The following CLSTN2 variants were observed in gnomAD, a reference collection of about 807,000 sequenced individuals.
CLSTN2 encodes the protein calsyntenin 2, also known as calsyntenin-2.
A neutral mutation model predicts 101.2 loss-of-function variants in CLSTN2; 48 were observed. That is an observed-to-expected ratio of 0.47 (90% CI 0.38 to 0.60). CLSTN2 has a LOEUF of 0.60. Ranked by LOEUF, CLSTN2 falls within the 20% of genes least tolerant of loss-of-function variation. CLSTN2 has a pLI of 0.00. For synonymous variants in CLSTN2, 481 were observed against 463.6 expected (o/e 1.04, Z -0.48); for missense variants, 1,160 against 1,238.2 (o/e 0.94, Z 0.95).
chr3:140,020,701 C>T (rs1346281461), intron 1 of CLSTN2, among the ~76,000 whole-genome samples: 1 of 152,202 alleles, frequency 6.6e-6, no homozygotes, highest in African/African-American at 2.4e-5. Flanking sequence ...GGCTGACCAG[C>T]CTCCAAGGCA....
chr3:139,999,478 G>A (rs1164549233), intron 1 of CLSTN2, among the ~76,000 whole-genome samples: 3 of 152,120 alleles, frequency 2.0e-5, no homozygotes, highest in African/African-American at 2.4e-5. Flanking sequence ...ATACCTCAAC[G>A]CTCTTCCTTT....
chr3:139,949,711 A>G (rs1935262962), intron 1 of CLSTN2, among the ~76,000 whole-genome samples: 1 of 152,202 alleles, frequency 6.6e-6, no homozygotes, highest in South Asian at 2.1e-4. Context: ...ATAGCATTGG[A>G]TACCAAACAC....
chr3:140,431,906 C>A (rs1559868026), intron 5 of CLSTN2, among the ~76,000 whole-genome samples: 2 of 152,220 alleles, frequency 1.3e-5, no homozygotes, highest in East Asian at 1.9e-4. Flanking sequence ...ATTGTTAAGA[C>A]CAAAAGAGAT....
chr3:140,095,078 A>C (rs2008846520), intron 1 of CLSTN2, among the ~76,000 whole-genome samples: 1 of 151,980 alleles, frequency 6.6e-6, no homozygotes, highest in African/African-American at 2.4e-5. Flanking sequence ...AGTATTCTTA[A>C]CCCTTCAAGA....
rs372909489 is a variant in CLSTN2, at chr3:140,461,709, G to A, written c.1222+1940G>A. Among the ~76,000 whole-genome samples the A allele has an allele frequency of 2.4e-4, 36 of 152,142 alleles. No homozygotes were observed. The East Asian group carries it at 5.6e-3, about 24-fold the overall frequency. On this transcript the variant is annotated intron_variant, in intron 7 of 16. Transcript: ENST00000458420. Reference sequence around the variant, plus strand: ...CCCCACCCAGCTCAATAAGAATCTTGGAGGAGCCTAATGGGAAGCCATGGC... The same window carrying A: ...CCCCACCCAGCTCAATAAGAATCTTAGAGGAGCCTAATGGGAAGCCATGGC...
chr3:140,400,252 A>G (rs1323183136), intron 2 of CLSTN2, among the ~76,000 whole-genome samples: 1 of 152,202 alleles, frequency 6.6e-6, no homozygotes, highest in Non-Finnish European at 1.5e-5. Context: ...GAAATCCCAC[A>G]TGTTGTTGGG....
At chr3:140,216,001 G>GT (rs2107849535) in intron 2 of CLSTN2, among the ~76,000 whole-genome samples, 1 of 152,318 alleles carries the variant, frequency 6.6e-6, no homozygotes, top group East Asian at 1.9e-4. Flanking sequence ...TCCATGGCCT[G>GT]TTAGGAACTG....
chr3:140,528,813 C>T (rs183395351), intron 8 of CLSTN2, among the ~76,000 whole-genome samples: 13 of 152,294 alleles, frequency 8.5e-5, no homozygotes, highest in African/African-American at 3.1e-4. Context: ...GTGCCTTGCA[C>T]CTGGTCTACA....
chr3:140,438,668 T>TA (rs563910899), intron 5 of CLSTN2, among the ~76,000 whole-genome samples: 5 of 151,966 alleles, frequency 3.3e-5, no homozygotes, highest in Non-Finnish European at 7.4e-5. Flanking sequence ...GTCAAGAGAT[T>TA]AAAAAAAATT....
At chr3:140,342,832 T>C (rs1305287030) in intron 2 of CLSTN2, among the ~76,000 whole-genome samples, 1 of 152,140 alleles carries the variant, frequency 6.6e-6, no homozygotes, top group African/African-American at 2.4e-5. Context: ...TCTTGCAGCC[T>C]CTGCATGTGG....
At chr3:140,416,401 G>A (rs1280702634) in intron 4 of CLSTN2, among the ~76,000 whole-genome samples, 2 of 151,778 alleles carry the variant, frequency 1.3e-5, no homozygotes, top group East Asian at 3.9e-4. Flanking sequence ...ACACAAGAAA[G>A]GTAACTATGT....
intron 1 of CLSTN2, among the ~76,000 whole-genome samples, chr3:140,108,102 T>C (rs1159979427): frequency 2.0e-5 from 3 of 152,298 alleles, no homozygotes; most frequent in South Asian, 4.1e-4. Flanking sequence ...GTAGAGAATA[T>C]AGAAATTACT....
At chr3:140,440,108 A>G (rs2088743548) in intron 5 of CLSTN2, among the ~76,000 whole-genome samples, 2 of 152,148 alleles carry the variant, frequency 1.3e-5, no homozygotes, top group Admixed American at 6.6e-5. Flanking sequence ...AGACTCATCA[A>G]GGTGAGGCCA....
intron 1 of CLSTN2, among the ~76,000 whole-genome samples, chr3:140,161,944 AAT>A (rs2010053467): frequency 2.0e-5 from 3 of 152,218 alleles, no homozygotes; most frequent in African/African-American, 4.8e-5. Flanking sequence ...ATTTACTTAT[AAT>A]TAACAATAAA....
intron 9 of CLSTN2, among the ~76,000 whole-genome samples, chr3:140,546,011 T>G (rs1935576571): frequency 6.6e-6 from 1 of 152,148 alleles, no homozygotes; most frequent in African/African-American, 2.4e-5. Flanking sequence ...AATGCGAGCT[T>G]TGAGGTCAGA....
In CLSTN2 at chr3:140,576,560, A is replaced by G. The variant is rs1318158932; in HGVS notation, c.*10307A>G. ...GGACGCTGTTTATTCCCAGCTTCTC[A>G]ACCTCAGTGTGTGTGGGAAAGGCCT... On this transcript the variant is annotated 3_prime_UTR_variant, in exon 17 of 17. Transcript: ENST00000458420. The G allele has an allele frequency of 6.6e-6, 1 of 152,218 alleles. No individual in the cohort carries two copies. The highest frequency in any genetic ancestry group is 2.1e-4 in the South Asian group (1 of 4,832). 9.4% of individuals were successfully genotyped at this position (152,218 alleles called of 1,614,324 possible).
Position 140,305,054 on chromosome 3 carries a change from A to ACACACACT in CLSTN2, c.233-98574_233-98573insACACACTC, listed in dbSNP as rs1491321182. ...CACACACACACACACACACACACAC[A>ACACACACT]CTCTCTCTCTCTCTCTCTGTCTCTC... On this transcript the variant is annotated intron_variant, in intron 2 of 16. Coordinates refer to ENST00000458420, the MANE Select transcript of CLSTN2 (RefSeq NM_022131.3). Among the ~76,000 whole-genome samples, 42 of 118,232 alleles carry ACACACACT rather than the reference A, an allele frequency of 3.6e-4. No homozygotes were observed. In the East Asian group the frequency reaches 3.8e-3, roughly 11 times the overall value. The allele number at this position is 118,232 out of a possible 152,430, so 77.6% of individuals were successfully genotyped here.
intron 2 of CLSTN2, among the ~76,000 whole-genome samples, chr3:140,195,817 C>T (rs1212595133): frequency 1.3e-5 from 2 of 152,194 alleles, no homozygotes; most frequent in Non-Finnish European, 2.9e-5. Flanking sequence ...GAGTTTGGTA[C>T]ACTCAAAGGT....
chr3:140,466,801 A>T, intron 8 of CLSTN2, 70 bp downstream of exon 8: 7 of 1,600,504 alleles, frequency 4.4e-6, no homozygotes, highest in Non-Finnish European at 6.0e-6. Context: ...TCCAATGGTG[A>T]TGGCAGTGGG....
Sources: gnomAD v4.1 joint callset for allele counts (sites outside exome capture counted in the v4.1 genomes callset) on GRCh38, gnomAD v4.1.1 for gene constraint, MANE v1.5 for transcripts, NCBI Gene and HGNC (gene_info 2026-07-23, HGNC 2026-07-21) for gene names.